Variants in EXOC4 observed in about 807,000 individuals in gnomAD.
EXOC4 encodes the protein exocyst complex component 4, also known as SEC8-like 1.
In EXOC4, 71 loss-of-function variants were observed where a neutral mutation model predicts 107.2. That is an observed-to-expected ratio of 0.66 (90% CI 0.55 to 0.81). The LOEUF is 0.81. Among genes scored for constraint, EXOC4 ranks in the 30% least tolerant of loss-of-function variants. EXOC4 has a pLI of 0.00. For missense variants in EXOC4, 1,108 were observed against 1,189.6 expected, an observed-to-expected ratio of 0.93 and a Z score of 1.01; for synonymous variants, 456 against 441.2, an observed-to-expected ratio of 1.03 and a Z score of -0.42.
intron 10 of EXOC4, among the ~76,000 whole-genome samples, chr7:133,683,394 C>T (rs1794228971): frequency 6.6e-6 from 1 of 152,018 alleles, no homozygotes; most frequent in Admixed American, 6.6e-5. Context: ...TTATATGCAG[C>T]GTTGGTTCAT....
At chr7:133,875,991 C>T (rs138707283) in intron 11 of EXOC4, among the ~76,000 whole-genome samples, 50 of 152,188 alleles carry the variant, frequency 3.3e-4, no homozygotes, top group African/African-American at 1.1e-3. Context: ...CTGTTGTATT[C>T]GAGAGCATAG....
At chr7:133,923,703 G>T (rs956890655) in intron 13 of EXOC4, among the ~76,000 whole-genome samples, 1 of 151,994 alleles carries the variant, frequency 6.6e-6, no homozygotes, top group Non-Finnish European at 1.5e-5. Context: ...CACTGTACAG[G>T]CCACCTTTTT....
At chr7:133,359,001 G>C (rs1230494699) in intron 6 of EXOC4, among the ~76,000 whole-genome samples, 2 of 152,182 alleles carry the variant, frequency 1.3e-5, no homozygotes, top group African/African-American at 4.8e-5. Context: ...ACTAACAAGT[G>C]AATGAGCTGT....
At position 133,811,875 on chromosome 7, in the gene EXOC4, T is replaced by C. The variant is rs150359169; in HGVS notation, c.1515-5450T>C. Among the ~76,000 whole-genome samples the C allele has an allele frequency of 4.7e-4, 72 of 152,360 alleles. 1 individual carries two copies. In the East Asian group the frequency reaches 0.014, roughly 29 times the overall value. Reference sequence around the variant, plus strand: ...TAGATTATGTCCTAGTTTCAGGAACTATGGATTATGATCAAAGGACCTTTT... The same window carrying C: ...TAGATTATGTCCTAGTTTCAGGAACCATGGATTATGATCAAAGGACCTTTT... On this transcript the variant is annotated intron_variant, in intron 10 of 17. Transcript: ENST00000253861.
At position 133,739,009 on chromosome 7, in the gene EXOC4, A is replaced by T. The variant is rs565159720; in HGVS notation, c.1515-78316A>T. 2.3e-4 allele frequency among the ~76,000 whole-genome samples: 35 copies of T among 152,278 alleles called. No individual in the cohort carries two copies. In the South Asian group the frequency reaches 3.9e-3, roughly 17 times the overall value. On this transcript the variant is annotated intron_variant, in intron 10 of 17. Transcript: ENST00000253861. The stretch of plus-strand genomic sequence containing the variant: ...AGACTGAAACATAACTTGAGACCCA[A>T]AGTGTACTCTTAGCTATAAAATGTA...
intron 6 of EXOC4, among the ~76,000 whole-genome samples, chr7:133,356,975 G>A (rs188974968): frequency 2.2e-4 from 34 of 152,180 alleles, no homozygotes; most frequent in East Asian, 9.7e-4. Flanking sequence ...GCGAGACTCC[G>A]TCTTAAAAAA....
chr7:133,421,769 T>A (rs1002951155), intron 7 of EXOC4, among the ~76,000 whole-genome samples: 19 of 152,226 alleles, frequency 1.2e-4, no homozygotes, highest in Non-Finnish European at 2.4e-4. Flanking sequence ...TAAAAATTTT[T>A]AAAAATCTCC....
intron 14 of EXOC4, among the ~76,000 whole-genome samples, chr7:133,971,092 C>T (rs915083239): frequency 6.6e-6 from 1 of 151,828 alleles, no homozygotes; most frequent in African/African-American, 2.4e-5. Context: ...AAATGAAATA[C>T]CATTATGTGC....
chr7:133,673,351 T>C lies in EXOC4; in HGVS notation c.1514+43210T>C, dbSNP rs79698103. On this transcript the variant is annotated intron_variant, in intron 10 of 17. Transcript: ENST00000253861. ...AGTAGATTTTACCCCAAATCTCTGG[T>C]AGCTAGATCTGATTATTTTTCCATT... 4.0e-3 allele frequency among the ~76,000 whole-genome samples: 614 copies of C among 152,336 alleles called. 31 individuals are homozygous for C. In the East Asian group the frequency reaches 0.1, roughly 26 times the overall value.
intron 11 of EXOC4, among the ~76,000 whole-genome samples, chr7:133,844,311 C>G (rs912987157): frequency 6.8e-6 from 1 of 146,088 alleles, no homozygotes; most frequent in Admixed American, 6.8e-5. Flanking sequence ...ATGACTACCT[C>G]AAACTATTTC....
chr7:133,470,582 TTTG>T (rs747368842), intron 7 of EXOC4, among the ~76,000 whole-genome samples: 12 of 152,262 alleles, frequency 7.9e-5, no homozygotes, highest in African/African-American at 2.4e-4. Flanking sequence ...TTCCAACTGT[TTTG>T]TTGTTGTTGT....
At chr7:133,457,438 C>T (rs1239645363) in intron 7 of EXOC4, among the ~76,000 whole-genome samples, 1 of 152,176 alleles carries the variant, frequency 6.6e-6, no homozygotes, top group Admixed American at 6.5e-5. Context: ...GGCTGTTGAT[C>T]TTGAAAGGGC....
At chr7:133,523,288 A>G (rs558107117) in intron 9 of EXOC4, among the ~76,000 whole-genome samples, 55 of 152,212 alleles carry the variant, frequency 3.6e-4, no homozygotes, top group African/African-American at 1.3e-3. Flanking sequence ...TAAGTATATT[A>G]ATGGTTACTA....
At chr7:134,036,321 C>G (rs540573194) in intron 17 of EXOC4, among the ~76,000 whole-genome samples, 1 of 152,334 alleles carries the variant, frequency 6.6e-6, no homozygotes, top group African/African-American at 2.4e-5. Flanking sequence ...GGTGCAATGG[C>G]TCAAGCCTGT....
chr7:133,573,600 G>A (rs1251920255), intron 9 of EXOC4, among the ~76,000 whole-genome samples: 7 of 152,052 alleles, frequency 4.6e-5, no homozygotes, highest in Admixed American at 4.6e-4. Flanking sequence ...TTACAGTCAC[G>A]TCTTCTTTCT....
chr7:133,624,286 TATTG>T (rs1802401892), intron 9 of EXOC4, among the ~76,000 whole-genome samples: 1 of 152,138 alleles, frequency 6.6e-6, no homozygotes, highest in African/African-American at 2.4e-5. Context: ...ATACATTTAA[TATTG>T]ATTATTTTTA....
chr7:134,089,007 CATAAG>C, the EXOC4 span, among the ~76,000 whole-genome samples: 10 of 152,148 alleles, frequency 6.6e-5, no homozygotes, highest in South Asian at 2.1e-4. Flanking sequence ...ACCATTTGAC[CATAAG>C]ATAAGATTTT....
chr7:133,627,651 A>T (rs1802488985), intron 9 of EXOC4, among the ~76,000 whole-genome samples: 1 of 152,204 alleles, frequency 6.6e-6, no homozygotes, highest in Non-Finnish European at 1.5e-5. Flanking sequence ...ACCGTACCAT[A>T]TGACCTTTCA....
chr7:133,730,453 T>A (rs1265926807), intron 10 of EXOC4, among the ~76,000 whole-genome samples: 1 of 152,074 alleles, frequency 6.6e-6, no homozygotes, highest in East Asian at 1.9e-4. Flanking sequence ...AGTAAGATGG[T>A]ATTAATGGTC....
Sources: allele counts gnomAD v4.1 joint callset (sites outside exome capture counted in the v4.1 genomes callset), GRCh38; gene constraint gnomAD v4.1.1; transcripts MANE v1.5; gene names NCBI Gene and HGNC (gene_info 2026-07-23, HGNC 2026-07-21).